CNTN4: variants seen among roughly 807,000 people sequenced by gnomAD.
The protein encoded by CNTN4 is contactin-4.
Under a neutral mutation model 122.5 loss-of-function variants are expected in CNTN4, and 77 were observed. That is an observed-to-expected ratio of 0.63 (90% CI 0.52 to 0.76). The LOEUF (loss-of-function observed/expected upper bound fraction) is 0.76, where lower values mean the gene tolerates loss of function less well. Ranked by LOEUF, CNTN4 falls within the 30% of genes least tolerant of loss-of-function variation. The pLI is 0.00. For missense variants in CNTN4, 1,256 were observed against 1,259.1 expected, an observed-to-expected ratio of 1.00 and a Z score of 0.04; for synonymous variants, 512 against 447.0, an observed-to-expected ratio of 1.15 and a Z score of -1.83.
At chr3:2,428,844 C>T (rs920917090) in intron 3 of CNTN4, among the ~76,000 whole-genome samples, 1 of 152,184 alleles carries the variant, frequency 6.6e-6, no homozygotes, top group African/African-American at 2.4e-5. Flanking sequence ...TACTGATACC[C>T]TGTCTTCCAG....
intron 2 of CNTN4, among the ~76,000 whole-genome samples, chr3:2,173,482 G>C (rs2036602155): frequency 6.6e-6 from 1 of 152,116 alleles, no homozygotes; most frequent in African/African-American, 2.4e-5. Context: ...GATTTTTATT[G>C]AAGTATTTAT....
chr3:2,922,192 A>G (rs2094435857), intron 12 of CNTN4, among the ~76,000 whole-genome samples: 1 of 152,220 alleles, frequency 6.6e-6, no homozygotes, highest in East Asian at 1.9e-4. Context: ...CTGAAGTTTC[A>G]CTTCCATGTG....
chr3:2,177,667 TG>T (rs2036816545), intron 2 of CNTN4, among the ~76,000 whole-genome samples: 1 of 149,652 alleles, frequency 6.7e-6, no homozygotes, highest in South Asian at 2.1e-4. Flanking sequence ...TGTGTGTGTG[TG>T]TGTGTGTGTG....
At chr3:2,991,016 AAT>A (rs1695005217) in intron 14 of CNTN4, among the ~76,000 whole-genome samples, 1 of 152,202 alleles carries the variant, frequency 6.6e-6, no homozygotes, top group African/African-American at 2.4e-5. Flanking sequence ...AAAAGTACTA[AAT>A]ATGCATTGTT....
chr3:2,914,819 A>C (rs1023289675), intron 12 of CNTN4, among the ~76,000 whole-genome samples: 2 of 140,754 alleles, frequency 1.4e-5, no homozygotes, highest in Non-Finnish European at 3.1e-5. Context: ...AAAACAAACA[A>C]GGACAGAAGA....
At chr3:2,909,550 A>C (rs959516568) in intron 12 of CNTN4, among the ~76,000 whole-genome samples, 1 of 152,036 alleles carries the variant, frequency 6.6e-6, no homozygotes, top group South Asian at 2.1e-4. Flanking sequence ...ACTCTTTACT[A>C]TCCTGATGGC....
intron 2 of CNTN4, among the ~76,000 whole-genome samples, chr3:2,134,367 T>C (rs2034588352): frequency 6.6e-6 from 1 of 152,192 alleles, no homozygotes; most frequent in African/African-American, 2.4e-5. Flanking sequence ...ATCTGAAAAC[T>C]GCCGCTTTTC....
intron 2 of CNTN4, among the ~76,000 whole-genome samples, chr3:2,148,427 C>T (rs2035345899): frequency 6.6e-6 from 1 of 151,392 alleles, no homozygotes; most frequent in Admixed American, 6.6e-5. Context: ...CCCAGCTACT[C>T]AGATGGCCGG....
chr3:2,922,608 ATT>A (rs547782541), intron 12 of CNTN4, among the ~76,000 whole-genome samples: 33 of 109,994 alleles, frequency 3.0e-4, no homozygotes, highest in African/African-American at 1.1e-3. Flanking sequence ...AAAGAACTTG[ATT>A]TTTTTTTTTT....
chr3:2,433,564 C>T (rs1046564802), intron 3 of CNTN4, among the ~76,000 whole-genome samples: 2 of 152,100 alleles, frequency 1.3e-5, no homozygotes, highest in African/African-American at 4.8e-5. Flanking sequence ...TATTTTCCCC[C>T]AATCTGTGGT....
rs545888035 is a variant in CNTN4 at position 2,280,982 on chromosome 3, T to A, written c.-144-58196T>A. Among the ~76,000 whole-genome samples the A allele has an allele frequency of 2.8e-4, 42 of 152,218 alleles. No homozygotes were observed. In the East Asian group the frequency reaches 7.9e-3, roughly 29 times the overall value. On this transcript the variant is annotated intron_variant, in intron 2 of 24. Transcript: ENST00000418658. ...TTGCTCTGTTAGTGAAAAGTTGAGATTTGGATGGTATTTTTCACACTCTTG... is the reference window on the plus strand; with the variant it reads ...TTGCTCTGTTAGTGAAAAGTTGAGAATTGGATGGTATTTTTCACACTCTTG...
chr3:2,956,950 G>C (rs2094805700), intron 13 of CNTN4, among the ~76,000 whole-genome samples: 1 of 152,136 alleles, frequency 6.6e-6, no homozygotes. Flanking sequence ...GTTCATCCTT[G>C]TTGCTGCAAT....
At chr3:2,727,649 G>T (rs1237518533) in intron 4 of CNTN4, among the ~76,000 whole-genome samples, 2 of 152,066 alleles carry the variant, frequency 1.3e-5, no homozygotes, top group Non-Finnish European at 2.9e-5. Flanking sequence ...GCACTTCCCC[G>T]TCCTACCACT....
At chr3:2,450,344 G>C (rs898107092) in intron 3 of CNTN4, among the ~76,000 whole-genome samples, 3 of 151,694 alleles carry the variant, frequency 2.0e-5, no homozygotes, top group African/African-American at 7.2e-5. Context: ...TCCAGCCTGG[G>C]TGAAGGAGTG....
chr3:2,199,745 C>G (rs2038010650), intron 2 of CNTN4, among the ~76,000 whole-genome samples: 1 of 152,132 alleles, frequency 6.6e-6, no homozygotes, highest in African/African-American at 2.4e-5. Context: ...ATAATCAAGA[C>G]AAACACCCAA....
chr3:2,485,365 A>T (rs1413486597), intron 3 of CNTN4, among the ~76,000 whole-genome samples: 1 of 152,252 alleles, frequency 6.6e-6, no homozygotes, highest in African/African-American at 2.4e-5. Flanking sequence ...AGGTGAAGCC[A>T]GCTGGGCTCC....
rs1304098254 is a variant in CNTN4 at position 2,886,511 on chromosome 3, C to A, written c.756-529C>A. ...TGATGATATTGTATAGGAGATAGAT[C>A]ACTTTTTTTTTTTTTTTTGAGACAA... On this transcript the variant is annotated intron_variant, in intron 9 of 24. Transcript: ENST00000418658. 3.9e-5 allele frequency among the ~76,000 whole-genome samples: 5 copies of A among 127,344 alleles called. No individual in the cohort carries two copies. In the East Asian group the frequency reaches 8.7e-4, roughly 22 times the overall value. 83.5% of individuals were successfully genotyped at this position (127,344 alleles called of 152,430 possible). A position where few individuals can be genotyped will look rare whatever the true frequency, so the allele number is the denominator to read the frequency against.
chr3:2,522,086 T>C (rs73805319), intron 3 of CNTN4, among the ~76,000 whole-genome samples: 19,035 of 151,864 alleles, frequency 0.13, 1,324 homozygotes, highest in African/African-American at 0.17. Context: ...TTATCCATTA[T>C]CAGGCAGGCA....
chr3:2,892,542 G>A (rs564475438), intron 10 of CNTN4, among the ~76,000 whole-genome samples: 4 of 152,202 alleles, frequency 2.6e-5, no homozygotes, highest in African/African-American at 4.8e-5. Context: ...AATATAAAAT[G>A]TATTTAATTC....
Sources: allele counts gnomAD v4.1 joint callset (sites outside exome capture counted in the v4.1 genomes callset), GRCh38; gene constraint gnomAD v4.1.1; transcripts MANE v1.5; gene names NCBI Gene and HGNC (gene_info 2026-07-23, HGNC 2026-07-21).